The following IL6ST variants were observed in gnomAD, a reference collection of about 807,000 sequenced individuals.
IL6ST encodes the protein interleukin-6 receptor subunit beta.
Under a neutral mutation model 91.3 loss-of-function variants are expected in IL6ST, and 24 were observed. That is an observed-to-expected ratio of 0.26 (90% CI 0.19 to 0.37). The LOEUF (loss-of-function observed/expected upper bound fraction) is 0.37, where lower values mean the gene tolerates loss of function less well. IL6ST is among the 10% of genes least tolerant of loss of function. IL6ST has a pLI of 1.00. For synonymous variants in IL6ST, 351 were observed against 373.6 expected (o/e 0.94, Z 0.70); for missense variants, 914 against 1,078.5 (o/e 0.85, Z 2.14).
rs1751940297 is a variant in IL6ST, at chr5:55,956,034, C to T, written c.1258G>A (p.Asp420Asn). Residue 420 changes from aspartate to asparagine, a missense_variant, in exon 10 of 17, where the codon GAC (aspartate) becomes AAC (asparagine). Coordinates refer to ENST00000381298, the MANE Select transcript of IL6ST (RefSeq NM_002184.4). ...DAAVLTIPAC[D>N]FQATHPVMDL... ...TCTCACAGATACAAACCTTGAAAGT[C>T]ACAGGCAGGGATAGTTAAAACAGCT... 6.2e-7 allele frequency: 1 copy of T among 1,611,858 alleles called. No individual in the cohort carries two copies. The highest frequency in any genetic ancestry group is 1.3e-5 in the African/African-American group (1 of 74,890).
intron 5 of IL6ST, among the ~76,000 whole-genome samples, chr5:55,967,379 AAC>A (rs1298713189): frequency 2.6e-5 from 4 of 151,242 alleles, no homozygotes; most frequent in African/African-American, 9.7e-5. Flanking sequence ...TACAATGTAT[AAC>A]AGTTTAACAA....
rs1291245088 is a variant in IL6ST at position 55,939,861 on chromosome 5, A to G, written c.*1221T>C. 1 of 203,182 alleles carries G rather than the reference A, an allele frequency of 4.9e-6. No homozygotes were observed. Among genetic ancestry groups the G allele is most frequent in the Non-Finnish European group, 1.0e-5 (1 of 98,792 alleles). 12.6% of individuals were successfully genotyped at this position (203,182 alleles called of 1,614,324 possible). A position where few individuals can be genotyped will look rare whatever the true frequency, so the allele number is the denominator to read the frequency against. On this transcript the variant is annotated 3_prime_UTR_variant, in exon 17 of 17. Coordinates refer to ENST00000381298, the MANE Select transcript of IL6ST (RefSeq NM_002184.4). ...ACCTCAGAACTGCAGACATTAAAAT[A>G]CCATCTCTTTATTAAGTGTCTCTAC...
In IL6ST at chr5:55,968,307, A is replaced by C. The variant is rs1752755792; in HGVS notation, c.460T>G (p.Leu154Val). 1 of 1,598,458 alleles carries C rather than the reference A, an allele frequency of 6.3e-7. No individual in the cohort carries two copies. Among genetic ancestry groups the C allele is most frequent in the Admixed American group, 1.8e-5 (1 of 55,766 alleles). ...GATTTTAAAGTGAAGTTTGTCTCCA[A>C]GTGTGTTTCCCTTCCACCATCCCAC... ...CEWDGGRETH[L>V]ETNFTLKSEW... is the part of the protein sequence containing the mutation. Residue 154 changes from leucine (L) to valine (V), a missense_variant, in exon 5 of 17, where the codon TTG (leucine) becomes GTG (valine). Transcript: ENST00000381298.
chr5:55,962,491 C>T (rs1322529806), intron 7 of IL6ST, among the ~76,000 whole-genome samples: 1 of 152,160 alleles, frequency 6.6e-6, no homozygotes, highest in Non-Finnish European at 1.5e-5. Context: ...GTCTTACAAG[C>T]TCCCTATCAA....
At position 55,941,797 on chromosome 5, in the gene IL6ST, T is replaced by G; in HGVS notation, c.2042A>C (p.Gln681Pro). ...PPRHNFNSKD[Q>P]MYSDGNFTDV... is the part of the protein sequence containing the mutation. ...AGTGAAATTGCCATCTGAATACATT[T>G]GATCTTTTGAATTAAAATTGTGCTA... is the stretch of plus-strand genomic sequence containing the variant. The change falls in exon 17 of 17, where the codon CAA (glutamine) becomes CCA (proline). Residue 681 changes from glutamine (Q) to proline (P), a missense_variant. By Grantham distance (76) the Gln-to-Pro change is moderately conservative. Transcript: ENST00000381298. The G allele has an allele frequency of 6.2e-7, 1 of 1,610,686 alleles. No individual in the cohort carries two copies. The highest frequency in any genetic ancestry group is 2.2e-5 in the East Asian group (1 of 44,870).
At chr5:55,960,168 G>GCCAC (rs1752226493) in intron 8 of IL6ST, among the ~76,000 whole-genome samples, 1 of 152,162 alleles carries the variant, frequency 6.6e-6, no homozygotes, top group Admixed American at 6.5e-5. Context: ...ACAGGTGTGA[G>GCCAC]CCACCGCATC....
At chr5:55,950,860 G>C (rs1184342203) in intron 14 of IL6ST, among the ~76,000 whole-genome samples, 2 of 151,588 alleles carry the variant, frequency 1.3e-5, no homozygotes, top group Non-Finnish European at 2.9e-5. Flanking sequence ...GAGGTAGGAG[G>C]ATCACTTGAG....
chr5:55,992,078 G>A (rs1754365519), intron 1 of IL6ST, among the ~76,000 whole-genome samples: 1 of 152,086 alleles, frequency 6.6e-6, no homozygotes, highest in Non-Finnish European at 1.5e-5. Flanking sequence ...ACTCTGCTGT[G>A]CACTACAAAC....
At chr5:55,967,350 G>C (rs952364420) in intron 5 of IL6ST, among the ~76,000 whole-genome samples, 3 of 118,750 alleles carry the variant, frequency 2.5e-5, no homozygotes, top group African/African-American at 7.1e-5. Context: ...AAAAAGACAA[G>C]GGAATATGTT....
intron 15 of IL6ST, among the ~76,000 whole-genome samples, chr5:55,947,191 C>A (rs1751319985): frequency 6.6e-6 from 1 of 152,136 alleles, no homozygotes. Context: ...AAGAGTGAAA[C>A]TCTGTCTCAA....
At chr5:55,952,831 G>C (rs998994608) in intron 11 of IL6ST, among the ~76,000 whole-genome samples, 2 of 152,158 alleles carry the variant, frequency 1.3e-5, no homozygotes, top group Non-Finnish European at 2.9e-5. Flanking sequence ...GGAGGTTAAG[G>C]TGGGAGGATC....
At chr5:55,985,095 ATTTTC>A (rs1295190322) in intron 1 of IL6ST, among the ~76,000 whole-genome samples, 1 of 152,114 alleles carries the variant, frequency 6.6e-6, no homozygotes, top group East Asian at 1.9e-4. Context: ...TTTACGCATT[ATTTTC>A]TTGTATGCTT....
At position 55,957,241 on chromosome 5, in the gene IL6ST, G is replaced by T. The variant is rs779655283; in HGVS notation, c.1024C>A (p.Gln342Lys). ...ACGAGTTGTACAGTTCTGTAGCCTT[G>T]AGTATGGGATGGATCTATTTTATAC... Reference protein sequence around the residue: ...FWYKIDPSHTQGYRTVQLVWK... With the variant: ...FWYKIDPSHTKGYRTVQLVWK... Residue 342 changes from glutamine (Q) to lysine (K), a missense_variant, in exon 9 of 17, where the codon CAA becomes AAA. Coordinates refer to ENST00000381298, the MANE Select transcript of IL6ST (RefSeq NM_002184.4). 6.4e-7 allele frequency: 1 copy of T among 1,567,098 alleles called. No individual in the cohort carries two copies. The highest frequency in any genetic ancestry group is 8.7e-7 in the Non-Finnish European group (1 of 1,151,290).
intron 5 of IL6ST, among the ~76,000 whole-genome samples, chr5:55,965,552 G>A (rs985671926): frequency 6.6e-6 from 1 of 152,114 alleles, no homozygotes; most frequent in Non-Finnish European, 1.5e-5. Context: ...CACCCAGATT[G>A]TAGTCTGTAA....
At chr5:55,962,676 T>A (rs1269913482) in intron 7 of IL6ST, among the ~76,000 whole-genome samples, 1 of 152,166 alleles carries the variant, frequency 6.6e-6, no homozygotes, top group Non-Finnish European at 1.5e-5. Flanking sequence ...TAAAACTTTA[T>A]TTACAAAAAC....
At chr5:55,993,585 C>T (rs896668455) in intron 1 of IL6ST, among the ~76,000 whole-genome samples, 1 of 152,070 alleles carries the variant, frequency 6.6e-6, no homozygotes, top group African/African-American at 2.4e-5. Context: ...TCAATACATA[C>T]TTAAAATAAG....
Position 55,940,759 on chromosome 5 carries a change from C to G in IL6ST, c.*323G>C. 1 of 312,794 alleles carries G rather than the reference C, an allele frequency of 3.2e-6. No individual in the cohort carries two copies. Among genetic ancestry groups the G allele is most frequent in the Non-Finnish European group, 5.9e-6 (1 of 168,372 alleles). 19.4% of individuals were successfully genotyped at this position (312,794 alleles called of 1,614,324 possible). ...CATATCACTGCTTATTATTCAAATA[C>G]CTTCTGTTTTCTATGTAGCAAAACA... On this transcript the variant is annotated 3_prime_UTR_variant, in exon 17 of 17. Transcript: ENST00000381298.
At position 55,940,335 on chromosome 5, in the gene IL6ST, T is replaced by G. The variant is rs1750821302; in HGVS notation, c.*747A>C. 1 of 209,232 alleles carries G rather than the reference T, an allele frequency of 4.8e-6. No individual in the cohort carries two copies. Among genetic ancestry groups the G allele is most frequent in the African/African-American group, 2.3e-5 (1 of 44,064 alleles). The allele number at this position is 209,232 out of a possible 1,614,324, so 13.0% of individuals were successfully genotyped here. A position where few individuals can be genotyped will look rare whatever the true frequency, so the allele number is the denominator to read the frequency against. On this transcript the variant is annotated 3_prime_UTR_variant, in exon 17 of 17. Transcript: ENST00000381298. Reference sequence around the variant, plus strand: ...ATCCCTAGCTCTTATCATGGCACTCTGTTGAGTTTGTGAAATGCATCTTCA... The same window carrying G: ...ATCCCTAGCTCTTATCATGGCACTCGGTTGAGTTTGTGAAATGCATCTTCA...
intron 1 of IL6ST, among the ~76,000 whole-genome samples, chr5:55,989,449 C>T (rs1754188993): frequency 6.6e-6 from 1 of 152,148 alleles, no homozygotes; most frequent in African/African-American, 2.4e-5. Flanking sequence ...CACTCTCTCT[C>T]CAGATTAAGG....
Sources: gnomAD v4.1 joint callset for allele counts (sites outside exome capture counted in the v4.1 genomes callset) on GRCh38, gnomAD v4.1.1 for gene constraint, MANE v1.5 for transcripts, NCBI Gene and HGNC (gene_info 2026-07-23, HGNC 2026-07-21) for gene names.